The following STRADA variants were observed in gnomAD, a reference collection of about 807,000 sequenced individuals.
STRADA encodes STE20 related adaptor alpha, also known as STE20-related kinase adapter protein alpha.
A neutral mutation model predicts 55.0 loss-of-function variants in STRADA; 26 were observed. That is an observed-to-expected ratio of 0.47 (90% CI 0.35 to 0.66). The LOEUF is 0.66. Among genes scored for constraint, STRADA ranks in the 30% least tolerant of loss-of-function variants. The pLI, the probability that STRADA is intolerant of heterozygous loss-of-function variation, is 0.01. For missense variants in STRADA, 443 were observed against 549.7 expected, an observed-to-expected ratio of 0.81 and a Z score of 1.94; for synonymous variants, 197 against 210.9, an observed-to-expected ratio of 0.93 and a Z score of 0.57.
intron 1 of STRADA, among the ~76,000 whole-genome samples, chr17:63,733,461 TG>T (rs2038211558): frequency 6.6e-6 from 1 of 152,188 alleles, no homozygotes; most frequent in South Asian, 2.1e-4. Flanking sequence ...TCATCTCAAG[TG>T]GAACTGGCTC....
Position 63,707,783 on chromosome 17 carries a change from T to G in STRADA, c.582-365A>C, listed in dbSNP as rs1243314447. On this transcript the variant is annotated intron_variant, in intron 8 of 12. Coordinates refer to ENST00000336174, the MANE Select transcript of STRADA (RefSeq NM_001003787.4). ...TCTTGCTCTGTCGCACAGACTGGAG[T>G]GTAGTGGCGCCATCTCGGCTCACTG... Among the ~76,000 whole-genome samples the G allele has an allele frequency of 6.6e-5, 10 of 150,806 alleles. No individual in the cohort carries two copies. The East Asian group carries it at 2.0e-3, about 30-fold the overall frequency.
intron 6 of STRADA, 149 bp downstream of exon 6, chr17:63,713,256 TC>T: frequency 9.9e-7 from 1 of 1,007,786 alleles, no homozygotes; most frequent in South Asian, 1.9e-5. Context: ...TTCAGCCCAA[TC>T]CTTAGTGCCA....
At chr17:63,728,905 T>TAAA (rs1568213737) in intron 1 of STRADA, among the ~76,000 whole-genome samples, 22 of 98,990 alleles carry the variant, frequency 2.2e-4, no homozygotes, top group East Asian at 5.3e-4. Flanking sequence ...AAAAAAAAAT[T>TAAA]TTAATTAATT....
At chr17:63,723,572 T>C (rs1209368018) in intron 3 of STRADA, 2 of 512,294 alleles carry the variant, frequency 3.9e-6, no homozygotes, top group East Asian at 3.2e-5. Context: ...TACTACTCTA[T>C]GGGTATTCTT....
chr17:63,721,168 A>C (rs1296053803), intron 4 of STRADA, among the ~76,000 whole-genome samples: 3 of 150,860 alleles, frequency 2.0e-5, no homozygotes, highest in African/African-American at 7.3e-5. Flanking sequence ...GGTCAAGAGA[A>C]CGAGACCATC....
Position 63,703,479 on chromosome 17 carries a change from T to G in STRADA, c.*120A>C. The G allele has an allele frequency of 1.0e-6, 1 of 984,746 alleles. No individual in the cohort carries two copies. The highest frequency in any genetic ancestry group is 1.7e-5 in the African/African-American group (1 of 60,558). The allele number at this position is 984,746 out of a possible 1,614,324, so 61.0% of individuals were successfully genotyped here. Reference sequence around the variant, plus strand: ...CCAATCAGTCAGCAGTCAACTTTCCTGGAAGAATGTCCTTTCTACCCAATC... The same window carrying G: ...CCAATCAGTCAGCAGTCAACTTTCCGGGAAGAATGTCCTTTCTACCCAATC... On this transcript the variant is annotated 3_prime_UTR_variant, in exon 13 of 13. Coordinates refer to ENST00000336174, the MANE Select transcript of STRADA (RefSeq NM_001003787.4).
intron 4 of STRADA, 187 bp from the exon 5 acceptor site, chr17:63,714,295 C>T: frequency 3.4e-6 from 2 of 579,758 alleles, no homozygotes; most frequent in South Asian, 3.2e-5. Flanking sequence ...GCACTAATAT[C>T]AGAGCAAGTG....
chr17:63,717,939 T>TTAG (rs2037010381), intron 4 of STRADA, among the ~76,000 whole-genome samples: 2 of 152,000 alleles, frequency 1.3e-5, no homozygotes, highest in South Asian at 4.2e-4. Flanking sequence ...TTAAAAATTA[T>TTAG]TATTATTATT....
At chr17:63,707,638 C>A (rs1483004484) in intron 8 of STRADA, 1 of 496,384 alleles carries the variant, frequency 2.0e-6, no homozygotes, top group Non-Finnish European at 3.6e-6. Context: ...AGGCTCACTG[C>A]AACCTCTGCC....
Position 63,740,107 on chromosome 17 carries a change from T to TATATATATATATATATATATACACAC in STRADA, c.-45+1633_-45+1634insGTGTGTATATATATATATATATATAT, listed in dbSNP as rs1309095081. ...AACACTATATATATATATATATATA[T>TATATATATATATATATATATACACAC]ACATACATACATATATATATACACA... On this transcript the variant is annotated intron_variant, in intron 1 of 12. Transcript: ENST00000336174. Among the ~76,000 whole-genome samples the TATATATATATATATATATATACACAC allele has an allele frequency of 1.5e-3, 73 of 49,624 alleles. 6 individuals are homozygous for TATATATATATATATATATATACACAC. The highest frequency in any genetic ancestry group is 2.5e-3 in the African/African-American group (26 of 10,534). 32.6% of individuals were successfully genotyped at this position (49,624 alleles called of 152,430 possible).
intron 9 of STRADA, among the ~76,000 whole-genome samples, 173 bp from the exon 10 acceptor site, chr17:63,706,912 G>A (rs1292617030): frequency 1.3e-5 from 2 of 152,198 alleles, no homozygotes; most frequent in Admixed American, 6.5e-5. Context: ...TGTAACTGGC[G>A]ATGCTCTGTA....
At chr17:63,706,594 G>C (rs768761623) in intron 10 of STRADA, 41 bp downstream of exon 10, 24 of 1,456,628 alleles carry the variant, frequency 1.6e-5, no homozygotes, top group Non-Finnish European at 2.2e-5. Flanking sequence ...ATCTGTGGAA[G>C]GCAAGCAGGC....
intron 9 of STRADA, 97 bp downstream of exon 9, chr17:63,707,150 C>T (rs2036147762): frequency 1.3e-6 from 2 of 1,505,104 alleles, no homozygotes; most frequent in Admixed American, 1.8e-5. Flanking sequence ...CTTTACCCCA[C>T]TGGGAGGTTG....
At chr17:63,740,117 C>T (rs8070857) in intron 1 of STRADA, among the ~76,000 whole-genome samples, 12,273 of 48,954 alleles carry the variant, frequency 0.25, 2,295 homozygotes, top group South Asian at 0.37. Flanking sequence ...TACATACATA[C>T]ATATATATAT....
At chr17:63,705,016 G>A in intron 10 of STRADA, 3 of 1,105,578 alleles carry the variant, frequency 2.7e-6, no homozygotes, top group African/African-American at 1.5e-5. Context: ...GCCACAGCCT[G>A]GGCTGTCGCT....
intron 2 of STRADA, chr17:63,727,479 T>C (rs1479624466): frequency 4.6e-5 from 7 of 152,234 alleles, no homozygotes; most frequent in African/African-American, 1.7e-4. Flanking sequence ...CAGTGAAGTT[T>C]ACTCTTTCTA....
intron 1 of STRADA, among the ~76,000 whole-genome samples, chr17:63,740,183 C>CACACACACA (rs765305938): frequency 1.4e-5 from 2 of 140,400 alleles, no homozygotes; most frequent in African/African-American, 5.5e-5. Context: ...CACACACACA[C>CACACACACA]AACAAAGCAA....
chr17:63,738,409 G>A (rs958044143), intron 1 of STRADA, among the ~76,000 whole-genome samples: 1 of 151,940 alleles, frequency 6.6e-6, no homozygotes, highest in African/African-American at 2.4e-5. Flanking sequence ...GCAGTGAGGA[G>A]GGGGTGGTGT....
chr17:63,724,300 G>T (rs1474320854), intron 3 of STRADA, among the ~76,000 whole-genome samples: 1 of 151,956 alleles, frequency 6.6e-6, no homozygotes, highest in Middle Eastern at 3.4e-3. Context: ...CTGCCACCAC[G>T]CCTGGCTAAT....
Sources: gnomAD v4.1 joint callset for allele counts (sites outside exome capture counted in the v4.1 genomes callset) on GRCh38, gnomAD v4.1.1 for gene constraint, MANE v1.5 for transcripts, NCBI Gene and HGNC (gene_info 2026-07-23, HGNC 2026-07-21) for gene names.